Variants in JAKMIP1 observed in about 807,000 individuals in gnomAD.
JAKMIP1 encodes janus kinase and microtubule interacting protein 1.
Under a neutral mutation model 113.0 loss-of-function variants are expected in JAKMIP1, and 33 were observed. The ratio of observed to expected loss-of-function variants is 0.29; its 90% CI spans 0.22 to 0.39. JAKMIP1 has a LOEUF of 0.39. Among genes scored for constraint, JAKMIP1 ranks in the 10% least tolerant of loss-of-function variants. JAKMIP1 has a pLI of 1.00. For missense variants in JAKMIP1, 813 were observed against 1,080.5 expected (o/e 0.75, Z 3.47); for synonymous variants, 480 against 459.9 (o/e 1.04, Z -0.56).
chr4:6,177,084 G>C (rs1459860819), intron 1 of JAKMIP1, among the ~76,000 whole-genome samples: 1 of 152,152 alleles, frequency 6.6e-6, no homozygotes, highest in East Asian at 1.9e-4. Flanking sequence ...GTTGTCATGA[G>C]CAGTGACCAT....
At chr4:6,087,919 G>A (rs1721525356) in intron 3 of JAKMIP1, among the ~76,000 whole-genome samples, 1 of 152,062 alleles carries the variant, frequency 6.6e-6, no homozygotes, top group Non-Finnish European at 1.5e-5. Context: ...TACCTGCTTG[G>A]GCCAAATCCC....
At chr4:6,029,811 A>G (rs1336863582) in intron 19 of JAKMIP1, 30 bp from the exon 20 acceptor site, 19 of 1,515,012 alleles carry the variant, frequency 1.3e-5, no homozygotes, top group Non-Finnish European at 1.7e-5. Flanking sequence ...GTGTCAGAAA[A>G]AGTAAGTTTT....
chr4:6,029,665 T>G, intron 20 of JAKMIP1, 51 bp downstream of exon 20: 1 of 1,234,410 alleles, frequency 8.1e-7, no homozygotes, highest in Middle Eastern at 1.9e-4. Context: ...GATTCCGCAC[T>G]AACATTTCAT....
rs115320790 is a variant in JAKMIP1, at chr4:6,150,804, T to G, written c.-147-37807A>C. Among the ~76,000 whole-genome samples the G allele has an allele frequency of 6.6e-6, 1 of 152,014 alleles. No homozygotes were observed. Among genetic ancestry groups the G allele is most frequent in the Non-Finnish European group, 1.5e-5 (1 of 68,004 alleles). On this transcript the variant is annotated intron_variant, in intron 1 of 20. Transcript: ENST00000409021. This position sits in a 1 kb window ranked among gnomAD's most constrained non-coding sequence, Gnocchi z 4.8. ...GGAAGAAGAAAACAGGCAAGAAATTTCCGCATCCCAGCTTCAAGCTCCTCC... is the reference window on the plus strand; with the variant it reads ...GGAAGAAGAAAACAGGCAAGAAATTGCCGCATCCCAGCTTCAAGCTCCTCC...
At chr4:6,043,991 A>C (rs555351097) in intron 16 of JAKMIP1, among the ~76,000 whole-genome samples, 1 of 151,920 alleles carries the variant, frequency 6.6e-6, no homozygotes, top group South Asian at 2.1e-4. Context: ...CAGCCTTTCC[A>C]TGTGCTGTCC....
In JAKMIP1 at chr4:6,108,140, G is replaced by C. The variant is rs1319477929; in HGVS notation, c.130-2173C>G. Reference sequence around the variant, plus strand: ...GGGCAGGGATGGTGACAGAGAGGCAGGGGCCTGGGGACAGGGCCCTGCTGG... The same window carrying C: ...GGGCAGGGATGGTGACAGAGAGGCACGGGCCTGGGGACAGGGCCCTGCTGG... On this transcript the variant is annotated intron_variant, in intron 2 of 20. Coordinates refer to ENST00000409021, the MANE Select transcript of JAKMIP1 (RefSeq NM_001099433.2). This position sits in a 1 kb window ranked among gnomAD's most constrained non-coding sequence, Gnocchi z 5.6. 6.6e-6 allele frequency among the ~76,000 whole-genome samples: 1 copy of C among 152,102 alleles called. No individual in the cohort carries two copies. Among genetic ancestry groups the C allele is most frequent in the East Asian group, 1.9e-4 (1 of 5,184 alleles).
intron 11 of JAKMIP1, among the ~76,000 whole-genome samples, chr4:6,060,061 C>T (rs1214604195): frequency 1.3e-5 from 2 of 152,182 alleles, no homozygotes; most frequent in African/African-American, 2.4e-5. Flanking sequence ...GTCATGGGTG[C>T]TGGTTCATTT....
At chr4:6,054,225 G>A (rs1254585608) in intron 12 of JAKMIP1, 77 bp from the exon 13 acceptor site, 1 of 1,437,102 alleles carries the variant, frequency 7.0e-7, no homozygotes, top group Non-Finnish European at 9.7e-7. Context: ...ACCTGACTGA[G>A]TGGCTGGAGG....
At position 6,085,159 on chromosome 4, in the gene JAKMIP1, T is replaced by A. The variant is rs148496119; in HGVS notation, c.835-194A>T. On this transcript the variant is annotated intron_variant, in intron 4 of 20. Transcript: ENST00000409021. Reference sequence around the variant, plus strand: ...CGGAAGACTCCATCTAGACGGCCACTGAGACTTCAAACCCTTCCGTGGCTC... The same window carrying A: ...CGGAAGACTCCATCTAGACGGCCACAGAGACTTCAAACCCTTCCGTGGCTC... Among the ~76,000 whole-genome samples the A allele has an allele frequency of 1.3e-4, 20 of 152,176 alleles. No homozygotes were observed. In the East Asian group the frequency reaches 3.5e-3, roughly 27 times the overall value.
intron 1 of JAKMIP1, among the ~76,000 whole-genome samples, chr4:6,189,820 G>T (rs540329810): frequency 3.3e-5 from 5 of 152,194 alleles, no homozygotes; most frequent in Non-Finnish European, 5.9e-5. Context: ...TGGATGGGGT[G>T]GGGGAGGCGA....
rs1044069307 is a variant in JAKMIP1, at chr4:6,183,593, T to C, written c.-148+16660A>G. On this transcript the variant is annotated intron_variant, in intron 1 of 20. Coordinates refer to ENST00000409021, the MANE Select transcript of JAKMIP1 (RefSeq NM_001099433.2). This position sits in a 1 kb window ranked among gnomAD's most constrained non-coding sequence, Gnocchi z 5.3. ...TTTCAAACCACCTTCCATGGAGTCC[T>C]GGTGCTCCTTGAAGATGTTTGGGAG... Among the ~76,000 whole-genome samples the C allele has an allele frequency of 6.6e-6, 1 of 152,214 alleles. No homozygotes were observed. Among genetic ancestry groups the C allele is most frequent in the Non-Finnish European group, 1.5e-5 (1 of 68,040 alleles).
At chr4:6,098,751 G>T (rs112169525) in intron 3 of JAKMIP1, among the ~76,000 whole-genome samples, 1 of 120,948 alleles carries the variant, frequency 8.3e-6, no homozygotes, top group Admixed American at 8.7e-5. Flanking sequence ...AAGGAAGGAA[G>T]GAAAGAAAGA....
In JAKMIP1 at chr4:6,049,030, T is replaced by A; in HGVS notation, c.1963-108A>T. ...TTTTCGTTGTTGTTGTTTGTTTTAT[T>A]ATGTTTGTTTGTTTTGAGACGGAGT... On this transcript the variant is annotated intron_variant, in intron 15 of 20. Transcript: ENST00000409021. This position sits in a 1 kb window ranked among gnomAD's most constrained non-coding sequence, Gnocchi z 7.0. The A allele has an allele frequency of 1.2e-6, 1 of 834,694 alleles. No individual in the cohort carries two copies. The highest frequency in any genetic ancestry group is 2.5e-5 in the East Asian group (1 of 39,332). The allele number at this position is 834,694 out of a possible 1,614,324, so 51.7% of individuals were successfully genotyped here. A position where few individuals can be genotyped will look rare whatever the true frequency, so the allele number is the denominator to read the frequency against.
Position 6,042,527 on chromosome 4 carries a change from T to C in JAKMIP1, c.2029-300A>G, listed in dbSNP as rs183379028. Among the ~76,000 whole-genome samples, 1 of 152,060 alleles carries C rather than the reference T, an allele frequency of 6.6e-6. No homozygotes were observed. Among genetic ancestry groups the C allele is most frequent in the African/African-American group, 2.4e-5 (1 of 41,466 alleles). On this transcript the variant is annotated intron_variant, in intron 16 of 20. Transcript: ENST00000409021. The surrounding 1 kb of genome is among the most constrained non-coding windows in gnomAD (Gnocchi z 5.2). Reference sequence around the variant, plus strand: ...CTGCGAGTGTGTGCAGCAGAGGAAGTGGTGTGGTATAGCTGATGTCAATGA... The same window carrying C: ...CTGCGAGTGTGTGCAGCAGAGGAAGCGGTGTGGTATAGCTGATGTCAATGA...
In JAKMIP1 at chr4:6,141,686, C is replaced by T. The variant is rs1017665117; in HGVS notation, c.-147-28689G>A. Among the ~76,000 whole-genome samples, 9 of 152,186 alleles carry T rather than the reference C, an allele frequency of 5.9e-5. No individual in the cohort carries two copies. The highest frequency in any genetic ancestry group is 1.7e-4 in the African/African-American group (7 of 41,432). ...TGCCGGTAGCTGGCCCAGCCCTGGT[C>T]CACAGAAGCCAGGTGGAGAAATGCA... is the stretch of plus-strand genomic sequence containing the variant. On this transcript the variant is annotated intron_variant, in intron 1 of 20. Transcript: ENST00000409021. This position sits in a 1 kb window ranked among gnomAD's most constrained non-coding sequence, Gnocchi z 9.4.
At chr4:6,037,529 A>T (rs1372838690) in intron 18 of JAKMIP1, among the ~76,000 whole-genome samples, 225 of 84,030 alleles carry the variant, frequency 2.7e-3, no homozygotes, top group African/African-American at 3.9e-3. Context: ...TAGCCCTCCA[A>T]CACCGAGGCA....
At chr4:6,077,396 G>A (rs528981501) in intron 8 of JAKMIP1, among the ~76,000 whole-genome samples, 19 of 151,942 alleles carry the variant, frequency 1.3e-4, no homozygotes, top group Admixed American at 5.2e-4. Context: ...TCTGCTACGG[G>A]TTTTAGAGGG....
At chr4:6,159,194 G>A (rs532795347) in intron 1 of JAKMIP1, among the ~76,000 whole-genome samples, 141 of 151,748 alleles carry the variant, frequency 9.3e-4, no homozygotes, top group African/African-American at 1.2e-3. Context: ...ATTTAGGAAC[G>A]AATAAAACTG....
In JAKMIP1 at chr4:6,112,797, C is replaced by T. The variant is rs750289605; in HGVS notation, c.54G>A (p.Ala18=). Residue 18 remains alanine, a synonymous_variant, in exon 2 of 21, where the codon GCG becomes GCA. Coordinates refer to ENST00000409021, the MANE Select transcript of JAKMIP1 (RefSeq NM_001099433.2). ...GCAGCTCCTCGTTGGCCATCTGCAC[C>T]GCGTCCGTCTCCATCTCGGGCTTCT... ...KGEKPEMETD[A]VQMANEELRA... 7.4e-6 allele frequency: 12 copies of T among 1,614,018 alleles called. 1 individual carries two copies. The highest frequency in any genetic ancestry group is 1.6e-4 in the Middle Eastern group (1 of 6,084).
Sources: gnomAD v4.1 joint callset for allele counts (sites outside exome capture counted in the v4.1 genomes callset) on GRCh38, gnomAD v4.1.1 for gene constraint, Gnocchi (gnomAD v3.1) non-coding constraint, MANE v1.5 for transcripts, NCBI Gene and HGNC (gene_info 2026-07-23, HGNC 2026-07-21) for gene names.